Variants in PCLO observed in about 807,000 individuals in gnomAD.
PCLO encodes the protein piccolo presynaptic cytomatrix protein.
PCLO carries 82 observed loss-of-function variants against 427.5 expected under a neutral mutation model. That is an observed-to-expected ratio of 0.19 (90% CI 0.16 to 0.23). The LOEUF (loss-of-function observed/expected upper bound fraction) is 0.23. Among genes scored for constraint, PCLO ranks in the 10% least tolerant of loss-of-function variants. The pLI, the probability that PCLO is intolerant of heterozygous loss-of-function variation, is 1.00. For synonymous variants in PCLO, 2,357 were observed against 2,155.4 expected (o/e 1.09, Z -2.59); for missense variants, 6,239 against 6,115.9 (o/e 1.02, Z -0.67).
At chr7:82,990,490 T>C (rs1243286468) in intron 3 of PCLO, among the ~76,000 whole-genome samples, 1 of 152,128 alleles carries the variant, frequency 6.6e-6, no homozygotes, top group East Asian at 1.9e-4. Flanking sequence ...GATTCTAAAT[T>C]GGTTCAGATT....
At chr7:82,949,279 G>A (rs938055718) in intron 6 of PCLO, among the ~76,000 whole-genome samples, 197 bp downstream of exon 6, 16 of 148,846 alleles carry the variant, frequency 1.1e-4, no homozygotes, top group South Asian at 2.1e-4. Context: ...ACACACAAGC[G>A]CACACACACA....
At chr7:83,124,583 C>T (rs2116576306) in intron 3 of PCLO, among the ~76,000 whole-genome samples, 1 of 152,220 alleles carries the variant, frequency 6.6e-6, no homozygotes, top group Non-Finnish European at 1.5e-5. Flanking sequence ...GTTAGTACAG[C>T]CACTATGGAG....
intron 9 of PCLO, among the ~76,000 whole-genome samples, chr7:82,886,308 GATT>G (rs1250266602): frequency 6.6e-6 from 1 of 152,084 alleles, no homozygotes; most frequent in African/African-American, 2.4e-5. Flanking sequence ...ATAAAGATAA[GATT>G]ATTGCATCTT....
chr7:83,112,549 T>C (rs907638574), intron 3 of PCLO, among the ~76,000 whole-genome samples: 2 of 152,154 alleles, frequency 1.3e-5, no homozygotes, highest in Non-Finnish European at 2.9e-5. Context: ...AATGAAGCCA[T>C]TTAGCCATAA....
intron 3 of PCLO, among the ~76,000 whole-genome samples, chr7:82,995,887 A>G (rs1248818566): frequency 1.3e-5 from 2 of 151,984 alleles, no homozygotes; most frequent in East Asian, 1.9e-4. Flanking sequence ...ACATATAAGT[A>G]TGTTTAGTAC....
intron 20 of PCLO, chr7:82,820,726 T>C: frequency 1.6e-6 from 2 of 1,231,408 alleles, no homozygotes; most frequent in Non-Finnish European, 2.0e-6. Flanking sequence ...CAAAAAACAC[T>C]GATCCACATT....
chr7:83,036,145 T>C (rs1788788359), intron 3 of PCLO, among the ~76,000 whole-genome samples: 1 of 152,190 alleles, frequency 6.6e-6, no homozygotes. Context: ...CAATGCCTAA[T>C]GTCCAATCTG....
At chr7:82,988,519 T>C (rs1007460733) in intron 3 of PCLO, among the ~76,000 whole-genome samples, 1 of 152,010 alleles carries the variant, frequency 6.6e-6, no homozygotes, top group Non-Finnish European at 1.5e-5. Flanking sequence ...TATATGTTCA[T>C]TTAGTACCTA....
At chr7:82,912,788 G>A (rs537086088) in intron 7 of PCLO, among the ~76,000 whole-genome samples, 6 of 152,106 alleles carry the variant, frequency 3.9e-5, no homozygotes, top group East Asian at 1.9e-4. Flanking sequence ...TAAGTGCCAC[G>A]TATTGGGATA....
chr7:83,155,966 A>G lies in PCLO; in HGVS notation c.675T>C (p.Pro225=), dbSNP rs761982770. 8.1e-6 allele frequency: 13 copies of G among 1,613,434 alleles called. No individual in the cohort carries two copies. The highest frequency in any genetic ancestry group is 1.3e-5 in the African/African-American group (1 of 74,748). The change falls in exon 2 of 25, where the codon CCT becomes CCC. Residue 225 remains proline, a synonymous_variant. Coordinates refer to ENST00000333891, the MANE Select transcript of PCLO (RefSeq NM_033026.6). ...PPKPIPKQQG[P]GRDPLQQDGT... is the part of the protein sequence containing the mutation. Reference sequence around the variant, plus strand: ...CATCCTGCTGAAGCGGATCCCTACCAGGTCCTTGCTGCTTAGGAATCGGCT... The same window carrying G: ...CATCCTGCTGAAGCGGATCCCTACCGGGTCCTTGCTGCTTAGGAATCGGCT...
At chr7:82,906,028 T>C (rs1339605751) in intron 8 of PCLO, among the ~76,000 whole-genome samples, 1 of 151,426 alleles carries the variant, frequency 6.6e-6, no homozygotes, top group African/African-American at 2.4e-5. Flanking sequence ...GATAGATAGA[T>C]AGATAGATAG....
intron 3 of PCLO, among the ~76,000 whole-genome samples, chr7:82,992,555 A>G (rs1341581842): frequency 6.6e-6 from 1 of 152,070 alleles, no homozygotes; most frequent in African/African-American, 2.4e-5. Context: ...CTTATGAGTG[A>G]GAACATGCAG....
chr7:83,003,750 T>A (rs2115940032), intron 3 of PCLO, among the ~76,000 whole-genome samples: 1 of 151,942 alleles, frequency 6.6e-6, no homozygotes, highest in Non-Finnish European at 1.5e-5. Flanking sequence ...GATGCTAACA[T>A]TTTGTTGAGG....
Position 82,821,711 on chromosome 7 carries a change from A to G in PCLO, c.14791+784T>C, listed in dbSNP as rs1489681235. The G allele has an allele frequency of 3.1e-6, 3 of 983,154 alleles. No homozygotes were observed. In the East Asian group the frequency reaches 3.4e-4, roughly 112 times the overall value. 60.9% of individuals were successfully genotyped at this position (983,154 alleles called of 1,614,324 possible). On this transcript the variant is annotated intron_variant, in intron 20 of 24. Coordinates refer to ENST00000333891, the MANE Select transcript of PCLO (RefSeq NM_033026.6). ...CAGACATAGTATATCTTGATTTCCAATGGTTAGAAAAAATATCTGTAAAAT... is the reference window on the plus strand; with the variant it reads ...CAGACATAGTATATCTTGATTTCCAGTGGTTAGAAAAAATATCTGTAAAAT...
intron 22 of PCLO, among the ~76,000 whole-genome samples, chr7:82,795,677 T>TGA (rs1791209083): frequency 2.6e-5 from 4 of 152,200 alleles, no homozygotes; most frequent in African/African-American, 7.2e-5. Flanking sequence ...TCTGTTTTCT[T>TGA]GACTATATAA....
In PCLO at chr7:82,956,462, A is replaced by C. The variant is rs1795523535; in HGVS notation, c.4491T>G (p.Ser1497=). The change falls in exon 5 of 25, where the codon TCT becomes TCG. Residue 1497 remains serine (S), a synonymous_variant. Coordinates refer to ENST00000333891, the MANE Select transcript of PCLO (RefSeq NM_033026.6). ...IPSSKDHKEK[S]EFVDDITTRR... ...TAGTAGTTATGTCATCAACAAACTC[A>C]GACTTCTCTTTATGGTCCTTGCTGG... is the stretch of plus-strand genomic sequence containing the variant. The C allele has an allele frequency of 6.2e-7, 1 of 1,613,740 alleles. No homozygotes were observed. The highest frequency in any genetic ancestry group is 1.3e-5 in the African/African-American group (1 of 74,944).
In PCLO at chr7:83,155,806, A is replaced by G. The variant is rs1364557049; in HGVS notation, c.835T>C (p.Ser279Pro). The G allele has an allele frequency of 6.2e-7, 1 of 1,613,818 alleles. No homozygotes were observed. The highest frequency in any genetic ancestry group is 1.7e-5 in the Admixed American group (1 of 60,004). ...TCTGCCTGTTTAGTCTGAGGCCTGG[A>G]TGCATCTCGTTGAAGTGGCAATTTT... ...HAKLPLQRDASRPQTKQADIV... is the reference protein window; with the variant it reads ...HAKLPLQRDAPRPQTKQADIV... Residue 279 changes from serine to proline, a missense_variant, in exon 2 of 25, where the codon TCC becomes CCC. By Grantham distance (74) the Ser-to-Pro change is moderately conservative. This residue lies in a region of PCLO where 4,677 missense variants were observed against 4,468.4 expected (regional missense o/e 1.05). Transcript: ENST00000333891.
At chr7:82,809,161 G>A (rs1791516581) in intron 20 of PCLO, among the ~76,000 whole-genome samples, 1 of 151,758 alleles carries the variant, frequency 6.6e-6, no homozygotes, top group Non-Finnish European at 1.5e-5. Flanking sequence ...TATTATCTGA[G>A]GCTGGATCTT....
At chr7:83,003,441 GT>G (rs930633187) in intron 3 of PCLO, among the ~76,000 whole-genome samples, 7 of 151,736 alleles carry the variant, frequency 4.6e-5, no homozygotes, top group Non-Finnish European at 8.8e-5. Context: ...GTATTTGTGT[GT>G]GTTTATAGTA....
Sources: allele counts gnomAD v4.1 joint callset (sites outside exome capture counted in the v4.1 genomes callset), GRCh38; gene constraint gnomAD v4.1.1; regional missense constraint gnomAD v4.1.1; transcripts MANE v1.5; gene names NCBI Gene and HGNC (gene_info 2026-07-23, HGNC 2026-07-21).